Variants in ITPR2 observed in about 807,000 individuals in gnomAD.
The protein encoded by ITPR2 is inositol 1,4,5-trisphosphate-gated calcium channel ITPR2.
Under a neutral mutation model 317.1 loss-of-function variants are expected in ITPR2, and 207 were observed. The observed-to-expected ratio is 0.65, with a 90% CI of 0.58 to 0.73. The LOEUF is 0.73. Among genes scored for constraint, ITPR2 ranks in the 30% least tolerant of loss-of-function variants. The pLI, the probability that ITPR2 is intolerant of heterozygous loss-of-function variation, is 0.00. For synonymous variants in ITPR2, 1,156 were observed against 1,149.1 expected, an observed-to-expected ratio of 1.01 and a Z score of -0.12; for missense variants, 2,613 against 3,284.0, an observed-to-expected ratio of 0.80 and a Z score of 4.99.
chr12:26,669,138 T>C (rs1299038034), intron 13 of ITPR2, among the ~76,000 whole-genome samples: 2 of 151,522 alleles, frequency 1.3e-5, no homozygotes, highest in African/African-American at 4.8e-5. Context: ...AAATTATTAT[T>C]ATTATAATTA....
chr12:26,751,757 T>C (rs1328486903), intron 2 of ITPR2, among the ~76,000 whole-genome samples: 1 of 151,934 alleles, frequency 6.6e-6, no homozygotes, highest in East Asian at 1.9e-4. Context: ...TCCCAGCTAC[T>C]TGGGAGGCTG....
At chr12:26,492,627 A>C (rs1040959103) in intron 39 of ITPR2, among the ~76,000 whole-genome samples, 1 of 152,170 alleles carries the variant, frequency 6.6e-6, no homozygotes, top group Non-Finnish European at 1.5e-5. Context: ...AAAATCATTC[A>C]TCCATTGATA....
chr12:26,692,833 G>A (rs1948266047), intron 10 of ITPR2, among the ~76,000 whole-genome samples: 1 of 152,052 alleles, frequency 6.6e-6, no homozygotes, highest in Admixed American at 6.6e-5. Context: ...ACAACGTCAG[G>A]AAAACTAGGA....
intron 1 of ITPR2, among the ~76,000 whole-genome samples, chr12:26,813,756 G>A (rs762453927): frequency 7.2e-5 from 11 of 152,090 alleles, no homozygotes; most frequent in East Asian, 1.9e-4. Context: ...GGAAGTGTAC[G>A]CCACCTGAAA....
chr12:26,744,065 C>T (rs1949278669), intron 2 of ITPR2, among the ~76,000 whole-genome samples: 1 of 152,244 alleles, frequency 6.6e-6, no homozygotes, highest in Admixed American at 6.5e-5. Context: ...TGCTTCTGCC[C>T]ATGCCCGACT....
intron 55 of ITPR2, among the ~76,000 whole-genome samples, chr12:26,353,267 G>A (rs1390299041): frequency 6.6e-6 from 1 of 152,114 alleles, no homozygotes; most frequent in Non-Finnish European, 1.5e-5. Flanking sequence ...AGTGTATTTT[G>A]GTGATCAAAG....
chr12:26,643,316 C>G (rs949238830), intron 21 of ITPR2, among the ~76,000 whole-genome samples: 1 of 152,128 alleles, frequency 6.6e-6, no homozygotes, highest in South Asian at 2.1e-4. Context: ...AATTGTCTTA[C>G]GAAGAAGTGG....
chr12:26,615,990 T>C (rs939843569), intron 26 of ITPR2, among the ~76,000 whole-genome samples: 3 of 152,072 alleles, frequency 2.0e-5, no homozygotes, highest in African/African-American at 4.8e-5. Flanking sequence ...GGATGTACAA[T>C]AGGTCAAAAA....
chr12:26,542,614 C>T (rs1475312638), intron 37 of ITPR2, among the ~76,000 whole-genome samples: 1 of 152,198 alleles, frequency 6.6e-6, no homozygotes, highest in African/African-American at 2.4e-5. Flanking sequence ...TTAATAAATG[C>T]TAGCTATTAA....
At chr12:26,511,931 A>G (rs1943359683) in intron 37 of ITPR2, among the ~76,000 whole-genome samples, 1 of 152,106 alleles carries the variant, frequency 6.6e-6, no homozygotes, top group South Asian at 2.1e-4. Context: ...CCATCTTACT[A>G]TTCCTGACAC....
At chr12:26,447,600 T>A (rs1941639324) in intron 45 of ITPR2, among the ~76,000 whole-genome samples, 1 of 152,068 alleles carries the variant, frequency 6.6e-6, no homozygotes, top group African/African-American at 2.4e-5. Context: ...TGTGTTTTTT[T>A]AATGTGAGTT....
At chr12:26,663,949 T>G in intron 14 of ITPR2, 103 bp from the exon 15 acceptor site, 1 of 1,088,384 alleles carries the variant, frequency 9.2e-7, no homozygotes, top group Non-Finnish European at 1.3e-6. Flanking sequence ...CTTATATAAA[T>G]TTGAGTATTA....
In ITPR2 at chr12:26,377,655, A is replaced by G. The variant is rs531202181; in HGVS notation, c.7857+9779T>C. On this transcript the variant is annotated intron_variant, in intron 55 of 56. Coordinates refer to ENST00000381340, the MANE Select transcript of ITPR2 (RefSeq NM_002223.4). Reference sequence around the variant, plus strand: ...TTTTACCTGATTATTCACTAGAAGAAGGCATAGCTAAAGGTAAAATCATAG... The same window carrying G: ...TTTTACCTGATTATTCACTAGAAGAGGGCATAGCTAAAGGTAAAATCATAG... Among the ~76,000 whole-genome samples, 7 of 152,348 alleles carry G rather than the reference A, an allele frequency of 4.6e-5. No homozygotes were observed. In the South Asian group the frequency reaches 1.5e-3, roughly 32 times the overall value.
rs772653427 is a variant in ITPR2, at chr12:26,550,333, G to C, written c.4987C>G (p.Leu1663Val). ...MSKLINHTKK[L>V]MEKEEKLCIK... is the part of the protein sequence containing the mutation. ...CACAGTTTTTCTTCTTTCTCCATTA[G>C]TTTCTTTGTATGATTAATCAACCTT... The change falls in exon 37 of 57, where the codon CTA (leucine) becomes GTA (valine). Residue 1663 changes from leucine to valine, a missense_variant. Physicochemically the swap from Leu to Val is conservative, Grantham distance 32. Coordinates refer to ENST00000381340, the MANE Select transcript of ITPR2 (RefSeq NM_002223.4). 6.9e-7 allele frequency: 1 copy of C among 1,457,238 alleles called. No homozygotes were observed. Among genetic ancestry groups the C allele is most frequent in the Admixed American group, 1.8e-5 (1 of 57,016 alleles). 90.3% of individuals were successfully genotyped at this position (1,457,238 alleles called of 1,614,324 possible). A position where few individuals can be genotyped will look rare whatever the true frequency, so the allele number is the denominator to read the frequency against.
intron 10 of ITPR2, among the ~76,000 whole-genome samples, chr12:26,692,696 CTCTG>C (rs1948263113): frequency 6.6e-6 from 1 of 152,146 alleles, no homozygotes. Context: ...TTAATGGGAG[CTCTG>C]ACACACACCG....
At chr12:26,663,600 A>C (rs1947551088) in intron 15 of ITPR2, 85 bp downstream of exon 15, 1 of 1,230,794 alleles carries the variant, frequency 8.1e-7, no homozygotes, top group Non-Finnish European at 1.1e-6. Flanking sequence ...TCCCATTCCT[A>C]CTTTCTATGC....
chr12:26,462,131 C>T (rs1014993907), intron 45 of ITPR2, among the ~76,000 whole-genome samples: 4 of 118,268 alleles, frequency 3.4e-5, no homozygotes, highest in Non-Finnish European at 7.5e-5. Flanking sequence ...TACATGATTC[C>T]ATGGGCTACT....
At chr12:26,456,836 C>G (rs113486730) in intron 45 of ITPR2, among the ~76,000 whole-genome samples, 5,813 of 152,230 alleles carry the variant, frequency 0.038, 136 homozygotes, top group Middle Eastern at 0.11. Context: ...TCACGCCCGG[C>G]TAATTTTTGT....
chr12:26,793,376 CA>C (rs1044957584), intron 1 of ITPR2, among the ~76,000 whole-genome samples: 1 of 149,986 alleles, frequency 6.7e-6, no homozygotes, highest in Non-Finnish European at 1.5e-5. Context: ...TAAGGATAAC[CA>C]AAAAAAAACC....
Sources: gnomAD v4.1 joint callset for allele counts (sites outside exome capture counted in the v4.1 genomes callset) on GRCh38, gnomAD v4.1.1 for gene constraint, MANE v1.5 for transcripts, NCBI Gene and HGNC (gene_info 2026-07-23, HGNC 2026-07-21) for gene names.